The following LYPLAL1 variants were observed in gnomAD, a reference collection of about 807,000 sequenced individuals.
LYPLAL1 encodes the protein lysophospholipase like 1.
LYPLAL1 carries 23 observed loss-of-function variants against 19.7 expected under a neutral mutation model. The ratio of observed to expected loss-of-function variants is 1.17; its 90% CI spans 0.84 to 1.65. LYPLAL1 has a LOEUF of 1.65. LYPLAL1 is among the 40% of genes most tolerant of loss of function. The probability of loss-of-function intolerance (pLI) is 0.00; values close to 1 mark genes in which losing one functional copy is unlikely to be tolerated. For missense variants in LYPLAL1, 355 were observed against 279.4 expected (o/e 1.27, Z -1.93); for synonymous variants, 119 against 96.3 (o/e 1.24, Z -1.38).
chr1:219,237,669 T>G, the LYPLAL1 span, among the ~76,000 whole-genome samples: 2 of 152,246 alleles, frequency 1.3e-5, no homozygotes, highest in East Asian at 1.9e-4. Flanking sequence ...GTTTTGTTTT[T>G]TTCAAATTTC....
chr1:219,206,383 T>C (rs1433734113), intron 3 of LYPLAL1, among the ~76,000 whole-genome samples: 2 of 152,224 alleles, frequency 1.3e-5, no homozygotes, highest in Admixed American at 6.5e-5. Flanking sequence ...TTTTATATCA[T>C]TTTTTAGACT....
At chr1:219,241,931 T>A in the LYPLAL1 span, among the ~76,000 whole-genome samples, 1 of 152,190 alleles carries the variant, frequency 6.6e-6, no homozygotes, top group African/African-American at 2.4e-5. Flanking sequence ...GATGCAAAGT[T>A]GTCATTGATT....
chr1:219,328,604 TATC>T, the LYPLAL1 span, among the ~76,000 whole-genome samples: 1 of 152,148 alleles, frequency 6.6e-6, no homozygotes, highest in African/African-American at 2.4e-5. Context: ...AGAAATAAAT[TATC>T]ATATACACAC....
chr1:219,318,835 G>A, the LYPLAL1 span, among the ~76,000 whole-genome samples: 1 of 152,160 alleles, frequency 6.6e-6, no homozygotes, highest in Admixed American at 6.5e-5. Context: ...TAGAAAAATG[G>A]GCAGGGAAAT....
the LYPLAL1 span, among the ~76,000 whole-genome samples, chr1:219,301,387 A>G: frequency 3.9e-5 from 6 of 152,228 alleles, no homozygotes; most frequent in Admixed American, 3.9e-4. Flanking sequence ...GGGCTTTCCA[A>G]ATTTCAAGCT....
chr1:219,388,812 T>G, the LYPLAL1 span, among the ~76,000 whole-genome samples: 42,474 of 152,082 alleles, frequency 0.28, 6,275 homozygotes, highest in East Asian at 0.5. Flanking sequence ...TGACAAACAT[T>G]TCTCTTTTCT....
chr1:219,416,242 T>C, the LYPLAL1 span, among the ~76,000 whole-genome samples: 3 of 152,212 alleles, frequency 2.0e-5, no homozygotes, highest in African/African-American at 7.2e-5. Context: ...TAGGTTTAAT[T>C]ATTGTCTCCT....
the LYPLAL1 span, among the ~76,000 whole-genome samples, chr1:219,291,336 A>G: frequency 6.6e-6 from 1 of 152,224 alleles, no homozygotes; most frequent in Admixed American, 6.5e-5. Context: ...TGTGGAAGAA[A>G]ATACTCTTTT....
the LYPLAL1 span, among the ~76,000 whole-genome samples, chr1:219,289,078 G>GTTTTT: frequency 2.4e-3 from 277 of 114,818 alleles, 9 homozygotes; most frequent in Middle Eastern, 4.8e-3. Flanking sequence ...CTCTTGTTTT[G>GTTTTT]TTTTTTTTGT....
At chr1:219,438,581 G>C in the LYPLAL1 span, among the ~76,000 whole-genome samples, 1 of 152,196 alleles carries the variant, frequency 6.6e-6, no homozygotes, top group Non-Finnish European at 1.5e-5. Context: ...GTTATCGTCA[G>C]CACCTATTTG....
the LYPLAL1 span, chr1:219,437,111 A>C: frequency 6.6e-6 from 1 of 152,272 alleles, no homozygotes; most frequent in African/African-American, 2.4e-5. Flanking sequence ...AAGTAGCTGT[A>C]GTTTGCTTCT....
the LYPLAL1 span, among the ~76,000 whole-genome samples, chr1:219,230,931 C>G: frequency 6.6e-5 from 10 of 152,230 alleles, no homozygotes; most frequent in Non-Finnish European, 1.5e-4. Context: ...TCCCACTTGA[C>G]CACCCACCCA....
the LYPLAL1 span, among the ~76,000 whole-genome samples, chr1:219,257,352 AGTTTTTGT>A: frequency 1.4e-5 from 1 of 70,930 alleles, no homozygotes; most frequent in East Asian, 4.1e-4. Flanking sequence ...CATCCATACC[AGTTTTTGT>A]TTTTTTTTTT....
chr1:219,337,141 G>T, the LYPLAL1 span, among the ~76,000 whole-genome samples: 2 of 133,466 alleles, frequency 1.5e-5, no homozygotes, highest in African/African-American at 2.5e-5. Flanking sequence ...AAGAAATCTC[G>T]TGATTACATT....
chr1:219,174,036 C>CG, intron 1 of LYPLAL1, 55 bp downstream of exon 1: 1 of 1,610,108 alleles, frequency 6.2e-7, no homozygotes, highest in South Asian at 1.1e-5. Flanking sequence ...ATCCTCCCCT[C>CG]GGTTACCCCA....
chr1:219,222,949 A>G, the LYPLAL1 span: 12 of 152,060 alleles, frequency 7.9e-5, no homozygotes. Context: ...AAGAGCACTA[A>G]TGTATTCTTG....
the LYPLAL1 span, among the ~76,000 whole-genome samples, chr1:219,229,339 C>T: frequency 1.5e-5 from 2 of 129,748 alleles, no homozygotes; most frequent in African/African-American, 6.6e-5. Flanking sequence ...GAGAGAGAGA[C>T]ACGCAGGCTA....
chr1:219,302,087 G>A, the LYPLAL1 span, among the ~76,000 whole-genome samples: 1 of 152,180 alleles, frequency 6.6e-6, no homozygotes, highest in South Asian at 2.1e-4. Flanking sequence ...TGCCAGCAGT[G>A]TTAAGGGTGC....
At chr1:219,373,587 C>T in the LYPLAL1 span, among the ~76,000 whole-genome samples, 1 of 152,158 alleles carries the variant, frequency 6.6e-6, no homozygotes, top group Non-Finnish European at 1.5e-5. Flanking sequence ...TTCTCTGCCT[C>T]AACTCTCCTT....
Sources: allele counts gnomAD v4.1 joint callset (sites outside exome capture counted in the v4.1 genomes callset), GRCh38; gene constraint gnomAD v4.1.1; transcripts MANE v1.5; gene names NCBI Gene and HGNC (gene_info 2026-07-23, HGNC 2026-07-21).